The following RAD17 variants were observed in gnomAD, a reference collection of about 807,000 sequenced individuals.
RAD17 encodes the protein RAD17 checkpoint clamp loader component.
In RAD17, 31 loss-of-function variants were observed where a neutral mutation model predicts 81.5. That is an observed-to-expected ratio of 0.38 (90% CI 0.29 to 0.51). The LOEUF (loss-of-function observed/expected upper bound fraction) is 0.51, where lower values mean the gene tolerates loss of function less well. Among genes scored for constraint, RAD17 ranks in the 20% least tolerant of loss-of-function variants. The probability of loss-of-function intolerance (pLI) is 0.88; values close to 1 mark genes in which losing one functional copy is unlikely to be tolerated. For missense variants in RAD17, 681 were observed against 781.2 expected (o/e 0.87, Z 1.53); for synonymous variants, 261 against 266.2 (o/e 0.98, Z 0.19).
intron 4 of RAD17, among the ~76,000 whole-genome samples, chr5:69,372,678 C>A (rs1487065308): frequency 6.6e-6 from 1 of 151,858 alleles, no homozygotes; most frequent in Non-Finnish European, 1.5e-5. Flanking sequence ...GTGGGGTGAT[C>A]ATGGTTCACT....
Position 69,389,104 on chromosome 5 carries a change from TC to T in RAD17, c.966del (p.Arg323GlufsTer4). On this transcript the variant is annotated frameshift_variant, in exon 12 of 19. Coordinates refer to ENST00000354868, the MANE Select transcript of RAD17 (RefSeq NM_133338.3). LOFTEE classifies it high-confidence loss of function. ...ELLCQGCSGD[I>X]RSAINSLQFS... ...CTCTGTCAGGGATGTTCTGGTGATA[TC>T]AGAAGTGCAATAAACAGCCTCCAGT... 1 of 1,589,816 alleles carries T rather than the reference TC, an allele frequency of 6.3e-7. No individual in the cohort carries two copies. Among genetic ancestry groups the T allele is most frequent in the South Asian group, 1.2e-5 (1 of 86,930 alleles).
chr5:69,373,264 A>G (rs977353348), intron 4 of RAD17, among the ~76,000 whole-genome samples: 2 of 152,174 alleles, frequency 1.3e-5, no homozygotes, highest in Non-Finnish European at 1.5e-5. Flanking sequence ...TCTAGTGTTT[A>G]TGCTGGGAAG....
At chr5:69,371,879 T>C (rs1462488606) in intron 3 of RAD17, among the ~76,000 whole-genome samples, 155 bp from the exon 4 acceptor site, 2 of 152,290 alleles carry the variant, frequency 1.3e-5, no homozygotes, top group South Asian at 2.1e-4. Flanking sequence ...TGTAATTCAG[T>C]GTGTGAGTTC....
chr5:69,386,226 G>A lies in RAD17; in HGVS notation c.745G>A (p.Asp249Asn), dbSNP rs1764204318. Reference sequence around the variant, plus strand: ...ATGTCCTCTTATATTTATAATCTCGGACAGTCTCAGTGGAGATAATAATCA... The same window carrying A: ...ATGTCCTCTTATATTTATAATCTCGAACAGTCTCAGTGGAGATAATAATCA... ...GRCPLIFIIS[D>N]SLSGDNNQRL... is the part of the protein sequence containing the mutation. Residue 249 changes from aspartate (D) to asparagine (N), a missense_variant, in exon 10 of 19, where the codon GAC becomes AAC. Transcript: ENST00000354868. 6.2e-7 allele frequency: 1 copy of A among 1,608,650 alleles called. No homozygotes were observed. Among genetic ancestry groups the A allele is most frequent in the Non-Finnish European group, 8.5e-7 (1 of 1,176,632 alleles).
chr5:69,411,122 T>A lies in RAD17; in HGVS notation c.1751+572T>A, dbSNP rs1765968089. ...GCACTTAGGAATTGTTTAAAGATTT[T>A]AAAAATGGCCGGGCGTGGTGGCTTA... On this transcript the variant is annotated intron_variant, in intron 18 of 18. Coordinates refer to ENST00000354868, the MANE Select transcript of RAD17 (RefSeq NM_133338.3). 2.6e-5 allele frequency among the ~76,000 whole-genome samples: 4 copies of A among 151,576 alleles called. No individual in the cohort carries two copies. In the Admixed American group the frequency reaches 2.6e-4, roughly 10 times the overall value.
At chr5:69,373,798 GATT>G (rs779658831) in intron 4 of RAD17, 29 bp from the exon 5 acceptor site, 1 of 1,490,704 alleles carries the variant, frequency 6.7e-7, no homozygotes. Flanking sequence ...GAGAAAATGT[GATT>G]ATATTTACAT....
At chr5:69,408,025 T>G (rs1765737838) in intron 17 of RAD17, among the ~76,000 whole-genome samples, 1 of 152,234 alleles carries the variant, frequency 6.6e-6, no homozygotes, top group Non-Finnish European at 1.5e-5. Context: ...ACAGCTTTGT[T>G]TACTACTTTG....
chr5:69,370,884 T>G (rs1762927672), intron 1 of RAD17, 151 bp from the exon 2 acceptor site: 1 of 234,148 alleles, frequency 4.3e-6, no homozygotes, highest in Non-Finnish European at 8.7e-6. Flanking sequence ...TTCTTCTGGC[T>G]AACTTAAAAT....
At chr5:69,408,795 G>C (rs892618546) in intron 17 of RAD17, among the ~76,000 whole-genome samples, 4 of 152,112 alleles carry the variant, frequency 2.6e-5, no homozygotes, top group Non-Finnish European at 5.9e-5. Context: ...ACAGACGTGA[G>C]CCACTGTGCC....
intron 12 of RAD17, among the ~76,000 whole-genome samples, chr5:69,390,693 G>T (rs187232449): frequency 5.4e-4 from 82 of 151,634 alleles, no homozygotes; most frequent in African/African-American, 2.0e-3. Context: ...AGTGGCTCTC[G>T]CCTGTTATCC....
chr5:69,403,604 A>G (rs1222394111), intron 17 of RAD17, among the ~76,000 whole-genome samples: 1 of 152,190 alleles, frequency 6.6e-6, no homozygotes, highest in Non-Finnish European at 1.5e-5. Context: ...TCTTCTGATC[A>G]CTGATAAGGT....
In RAD17 at chr5:69,391,958, CAA is replaced by C; in HGVS notation, c.1136_1137del (p.Lys379ArgfsTer17). The C allele has an allele frequency of 6.3e-7, 1 of 1,577,090 alleles. No homozygotes were observed. Among genetic ancestry groups the C allele is most frequent in the Non-Finnish European group, 8.6e-7 (1 of 1,168,754 alleles). ...ATCAAGAGGTCCAAGCTATTGGTGG[CAA>C]AGATGTTTCTCTGTTTCTCTTCAGA... ...ENQEVQAIGGKDVSLFLFRAL... is the reference protein window; with the variant it reads ...ENQEVQAIGGXDVSLFLFRAL... On this transcript the variant is annotated frameshift_variant, in exon 13 of 19. Transcript: ENST00000354868. LOFTEE classifies it high-confidence loss of function.
chr5:69,402,985 T>C (rs1765368492), intron 17 of RAD17, among the ~76,000 whole-genome samples: 1 of 152,152 alleles, frequency 6.6e-6, no homozygotes, highest in Non-Finnish European at 1.5e-5. Context: ...TTTCCAATTG[T>C]CCTAATAATA....
chr5:69,398,888 AG>A (rs1257690866), intron 16 of RAD17, among the ~76,000 whole-genome samples: 2 of 147,520 alleles, frequency 1.4e-5, no homozygotes, highest in African/African-American at 2.5e-5. Flanking sequence ...AAAAAAAAAA[AG>A]AGGCCAGGTG....
At chr5:69,410,653 T>C (rs773984478) in intron 18 of RAD17, 103 bp downstream of exon 18, 8 of 1,025,982 alleles carry the variant, frequency 7.8e-6, no homozygotes, top group South Asian at 1.4e-5. Flanking sequence ...AAGAAAGACA[T>C]ACTGTACCTA....
chr5:69,405,319 A>T (rs1765524300), intron 17 of RAD17, among the ~76,000 whole-genome samples: 1 of 149,556 alleles, frequency 6.7e-6, no homozygotes, highest in African/African-American at 2.5e-5. Flanking sequence ...CTGGCAACAT[A>T]GTGAAAACCC....
chr5:69,377,450 T>TATATATATAC (rs1561238622), intron 6 of RAD17, among the ~76,000 whole-genome samples: 1 of 11,168 alleles, frequency 9.0e-5, no homozygotes, highest in Non-Finnish European at 5.0e-4. Context: ...TATATATATA[T>TATATATATAC]ATATATATAT....
At chr5:69,373,433 C>T (rs1317713332) in intron 4 of RAD17, among the ~76,000 whole-genome samples, 1 of 152,062 alleles carries the variant, frequency 6.6e-6, no homozygotes, top group African/African-American at 2.4e-5. Context: ...GGTATGGTGG[C>T]TTATACCTTT....
At chr5:69,399,016 A>C (rs749203232) in intron 16 of RAD17, among the ~76,000 whole-genome samples, 2 of 152,034 alleles carry the variant, frequency 1.3e-5, no homozygotes, top group Non-Finnish European at 2.9e-5. Context: ...GTATAAAAAA[A>C]AAAATAATAA....
Sources: gnomAD v4.1 joint callset for allele counts (sites outside exome capture counted in the v4.1 genomes callset) on GRCh38, gnomAD v4.1.1 for gene constraint, MANE v1.5 for transcripts, NCBI Gene and HGNC (gene_info 2026-07-23, HGNC 2026-07-21) for gene names.